Variants in MYH13 observed in about 807,000 individuals in gnomAD.
MYH13 encodes the protein myosin heavy chain 13.
A neutral mutation model predicts 232.1 loss-of-function variants in MYH13; 177 were observed. The ratio of observed to expected loss-of-function variants is 0.76; its 90% confidence interval spans 0.67 to 0.86. The LOEUF (loss-of-function observed/expected upper bound fraction) is 0.86, where lower values mean the gene tolerates loss of function less well. MYH13 is among the 40% of genes least tolerant of loss of function. The probability of loss-of-function intolerance (pLI) is 0.00; values close to 1 mark genes in which losing one functional copy is unlikely to be tolerated. For missense variants in MYH13, 2,246 were observed against 2,405.9 expected (o/e 0.93, Z 1.39); for synonymous variants, 884 against 923.5 (o/e 0.96, Z 0.78).
chr17:10,305,450 CT>C (rs1195052877), intron 37 of MYH13, among the ~76,000 whole-genome samples: 1 of 152,104 alleles, frequency 6.6e-6, no homozygotes, highest in Non-Finnish European at 1.5e-5. Flanking sequence ...TTTTTAGCAC[CT>C]CCCTAAAAAA....
chr17:10,346,300 C>T (rs1324502116), intron 13 of MYH13, among the ~76,000 whole-genome samples: 2 of 152,136 alleles, frequency 1.3e-5, no homozygotes, highest in African/African-American at 2.4e-5. Context: ...GTCTCAGTCT[C>T]AGGGTGAGGC....
chr17:10,328,615 C>G (rs2142242884), intron 21 of MYH13, among the ~76,000 whole-genome samples: 1 of 151,928 alleles, frequency 6.6e-6, no homozygotes, highest in African/African-American at 2.4e-5. Flanking sequence ...TGTCCTTGGT[C>G]ATTTCCCAGT....
In MYH13 at chr17:10,345,198, C is replaced by T. The variant is rs1357852552; in HGVS notation, c.1584+4G>A. The T allele has an allele frequency of 6.2e-6, 10 of 1,613,972 alleles. No individual in the cohort carries two copies. Among genetic ancestry groups the T allele is most frequent in the African/African-American group, 4.0e-5 (3 of 74,930 alleles). On this transcript the variant is annotated splice_donor_region_variant and intron_variant, in intron 15 of 40. Coordinates refer to ENST00000252172, the MANE Select transcript of MYH13 (RefSeq NM_003802.3). Reference sequence around the variant, plus strand: ...AGCTGTCCCAGGCAGCAGTATCTCTCTACCTTCTCGATGAGCTCGATGCAG... The same window carrying T: ...AGCTGTCCCAGGCAGCAGTATCTCTTTACCTTCTCGATGAGCTCGATGCAG...
At chr17:10,355,581 A>T (rs2071742880) in intron 8 of MYH13, among the ~76,000 whole-genome samples, 1 of 152,170 alleles carries the variant, frequency 6.6e-6, no homozygotes, top group Non-Finnish European at 1.5e-5. Context: ...ATGCCAGAAC[A>T]TGGGCACCTC....
In MYH13 at chr17:10,305,901, T is replaced by C. The variant is rs540062169; in HGVS notation, c.5466+558A>G. Among the ~76,000 whole-genome samples the C allele has an allele frequency of 1.0e-3, 157 of 152,184 alleles. 1 individual carries two copies. Among genetic ancestry groups the C allele is most frequent in the Middle Eastern group, 0.01 (3 of 294 alleles). On this transcript the variant is annotated intron_variant, in intron 37 of 40. Coordinates refer to ENST00000252172, the MANE Select transcript of MYH13 (RefSeq NM_003802.3). ...AGGAAGAAGCCCCGATCGCCCTCTT[T>C]TGGGGCTGGAGCAAGAGACATACCT...
At position 10,349,092 on chromosome 17, in the gene MYH13, CTCTTTCTCTTTCTT is replaced by C. The variant is rs566646622; in HGVS notation, c.1144+1450_1144+1463del. Among the ~76,000 whole-genome samples, 528 of 149,922 alleles carry C rather than the reference CTCTTTCTCTTTCTT, an allele frequency of 3.5e-3. 3 individuals are homozygous for C. The highest frequency in any genetic ancestry group is 0.01 in the Middle Eastern group (3 of 292). On this transcript the variant is annotated intron_variant, in intron 12 of 40. Transcript: ENST00000252172. The stretch of plus-strand genomic sequence containing the variant: ...TCCCTTCCCTTCTCCCCCTCTCTCT[CTCTTTCTCTTTCTT>C]TCTTTCTCTTTATTTCATGGAGTTT...
intron 18 of MYH13, among the ~76,000 whole-genome samples, chr17:10,339,079 A>C (rs1207212965): frequency 2.0e-5 from 3 of 152,112 alleles, no homozygotes; most frequent in African/African-American, 4.8e-5. Flanking sequence ...TAATAGGTGA[A>C]CTTTTCCCCC....
At chr17:10,313,075 G>C in intron 30 of MYH13, 83 bp downstream of exon 30, 1 of 1,590,762 alleles carries the variant, frequency 6.3e-7, no homozygotes. Flanking sequence ...GGGCAGGAAA[G>C]AATCTCTCAA....
intron 16 of MYH13, among the ~76,000 whole-genome samples, chr17:10,343,065 G>A (rs1490471507): frequency 7.1e-6 from 1 of 140,246 alleles, no homozygotes; most frequent in African/African-American, 2.7e-5. Context: ...ACTCCAGCCT[G>A]GAGAAAGAGC....
chr17:10,330,154 G>A (rs929732030), intron 21 of MYH13, among the ~76,000 whole-genome samples: 2 of 152,098 alleles, frequency 1.3e-5, no homozygotes, highest in Non-Finnish European at 2.9e-5. Context: ...ATTAAAACCA[G>A]CCATACATGC....
chr17:10,359,131 GT>G (rs1171222602), intron 7 of MYH13, among the ~76,000 whole-genome samples: 3 of 152,184 alleles, frequency 2.0e-5, no homozygotes, highest in Admixed American at 2.0e-4. Flanking sequence ...GTCTTTTTGT[GT>G]GCTAATGAGA....
At chr17:10,355,262 G>T in intron 8 of MYH13, 115 bp from the exon 9 acceptor site, 1 of 1,124,450 alleles carries the variant, frequency 8.9e-7, no homozygotes, top group South Asian at 1.4e-5. Context: ...CTAGAGAACA[G>T]AACTGAAGGC....
At position 10,321,523 on chromosome 17, in the gene MYH13, T is replaced by C; in HGVS notation, c.3111+9A>G. 6.2e-7 allele frequency: 1 copy of C among 1,609,046 alleles called. No individual in the cohort carries two copies. Among genetic ancestry groups the C allele is most frequent in the Non-Finnish European group, 8.5e-7 (1 of 1,177,696 alleles). ...TAAATGCTAAAGCATAGTAGTAAAATATCCTCACATCATCTGTTTGCTGTT... is the reference window on the plus strand; with the variant it reads ...TAAATGCTAAAGCATAGTAGTAAAACATCCTCACATCATCTGTTTGCTGTT... On this transcript the variant is annotated intron_variant, in intron 24 of 40. Transcript: ENST00000252172.
intron 3 of MYH13, among the ~76,000 whole-genome samples, chr17:10,363,292 G>C (rs2071807973): frequency 7.1e-6 from 1 of 141,658 alleles, no homozygotes; most frequent in Non-Finnish European, 1.5e-5. Context: ...CTCCAGCCTG[G>C]GCGACACAGT....
intron 39 of MYH13, 45 bp downstream of exon 39, chr17:10,303,151 G>A: frequency 6.4e-7 from 1 of 1,562,730 alleles, no homozygotes; most frequent in Non-Finnish European, 8.8e-7. Context: ...GGATGCCCCA[G>A]GGACTGTCTG....
intron 27 of MYH13, chr17:10,317,793 A>C (rs1033131907): frequency 1.3e-5 from 2 of 152,250 alleles, no homozygotes; most frequent in South Asian, 4.1e-4. Context: ...AGCCATCACA[A>C]GCAGAATATT....
chr17:10,345,646 G>C, intron 13 of MYH13, 30 bp from the exon 14 acceptor site: 1 of 1,614,124 alleles, frequency 6.2e-7, no homozygotes, highest in Non-Finnish European at 8.5e-7. Context: ...CTCAACCCTT[G>C]AGTTAGTGTT....
In MYH13 at chr17:10,345,624, AAG is replaced by A. The variant is rs2071658080; in HGVS notation, c.1264-10_1264-9del. ...ACCCACCGAATTGGTCACCTTGAAA[AAG>A]GATCACCCACTCAACCCTTGAGTTA... On this transcript the variant is annotated splice_polypyrimidine_tract_variant and intron_variant, in intron 13 of 40. Coordinates refer to ENST00000252172, the MANE Select transcript of MYH13 (RefSeq NM_003802.3). The A allele has an allele frequency of 6.2e-7, 1 of 1,614,180 alleles. No homozygotes were observed.
At chr17:10,321,008 A>C (rs1906920958) in intron 24 of MYH13, among the ~76,000 whole-genome samples, 1 of 152,218 alleles carries the variant, frequency 6.6e-6, no homozygotes, top group African/African-American at 2.4e-5. Flanking sequence ...GCTCAGAAAC[A>C]TTAAAGTTAT....
Sources: gnomAD v4.1 joint callset for allele counts (sites outside exome capture counted in the v4.1 genomes callset) on GRCh38, gnomAD v4.1.1 for gene constraint, MANE v1.5 for transcripts, NCBI Gene and HGNC (gene_info 2026-07-23, HGNC 2026-07-21) for gene names.